MRPS10: variants seen among roughly 807,000 people sequenced by gnomAD.
MRPS10 encodes small ribosomal subunit protein uS10m.
In MRPS10, 23 loss-of-function variants were observed where a neutral mutation model predicts 27.5. That is an observed-to-expected ratio of 0.84 (90% CI 0.60 to 1.18). The LOEUF (loss-of-function observed/expected upper bound fraction) is 1.18. MRPS10 is among the 50% of genes most tolerant of loss of function. The pLI is 0.00. For missense variants in MRPS10, 237 were observed against 240.1 expected (o/e 0.99, Z 0.09); for synonymous variants, 88 against 84.2 (o/e 1.04, Z -0.25).
At position 42,216,359 on chromosome 6, in the gene MRPS10, T is replaced by TGAGAGAGAGA. The variant is rs373981686; in HGVS notation, c.48+1433_48+1442dup. 7.0e-3 allele frequency among the ~76,000 whole-genome samples: 407 copies of TGAGAGAGAGA among 58,156 alleles called. 5 individuals carry two copies. The highest frequency in any genetic ancestry group is 8.3e-3 in the Middle Eastern group (1 of 120). The allele number at this position is 58,156 out of a possible 152,430, so 38.2% of individuals were successfully genotyped here. ...AATTGCATTTTTTCTTTGTATTTCT[T>TGAGAGAGAGA]GAGAGAGAGAGAGAGAGAGAGAGAG... On this transcript the variant is annotated intron_variant, in intron 1 of 6. Coordinates refer to ENST00000053468, the MANE Select transcript of MRPS10 (RefSeq NM_018141.4).
chr6:42,208,999 G>GTTTTTTTTTTTTTTT (rs375700314), intron 5 of MRPS10, 52 bp from the exon 6 acceptor site: 1 of 1,026,116 alleles, frequency 9.7e-7, no homozygotes, highest in Admixed American at 2.6e-5. Flanking sequence ...TTAAAGCACG[G>GTTTTTTTTTTTTTTT]TTTTTTGTTT....
Position 42,208,309 on chromosome 6 carries a change from T to C in MRPS10, c.586A>G (p.Lys196Glu). Residue 196 changes from lysine to glutamate, a missense_variant, in exon 7 of 7, where the codon AAA becomes GAA. Transcript: ENST00000053468. The part of the protein sequence containing the change: ...EPIWETLSEE[K>E]EESKS ...AGGCTTTATGACTTGCTTTCTTCTT[T>C]TTCTTCTGATAGTGTTTCCCAGATT... The C allele has an allele frequency of 1.2e-6, 2 of 1,612,946 alleles. No homozygotes were observed. Among genetic ancestry groups the C allele is most frequent in the South Asian group, 2.2e-5 (2 of 90,950 alleles).
chr6:42,217,638 G>A (rs114765440), intron 1 of MRPS10, among the ~76,000 whole-genome samples, 164 bp downstream of exon 1: 24 of 152,288 alleles, frequency 1.6e-4, no homozygotes, highest in Admixed American at 8.5e-4. Context: ...TTCCATGAGA[G>A]AATTCTGATA....
At chr6:42,215,164 G>C (rs1768887084) in intron 1 of MRPS10, among the ~76,000 whole-genome samples, 1 of 151,982 alleles carries the variant, frequency 6.6e-6, no homozygotes, top group Non-Finnish European at 1.5e-5. Context: ...CAAGGTGGGT[G>C]GATCACTTGT....
At chr6:42,209,888 T>C (rs565222527) in intron 5 of MRPS10, among the ~76,000 whole-genome samples, 1 of 152,180 alleles carries the variant, frequency 6.6e-6, no homozygotes. Flanking sequence ...ACTTACTATG[T>C]GATCAAAGTA....
intron 3 of MRPS10, 83 bp downstream of exon 3, chr6:42,214,033 GTGTT>G: frequency 8.8e-7 from 1 of 1,138,506 alleles, no homozygotes; most frequent in Admixed American, 2.3e-5. Flanking sequence ...TATTCATAGA[GTGTT>G]TGGGGAAAAA....
chr6:42,214,082 A>G (rs1205561193), intron 3 of MRPS10, 38 bp downstream of exon 3: 1 of 1,507,674 alleles, frequency 6.6e-7, no homozygotes, highest in African/African-American at 1.4e-5. Context: ...ACCTATTGCC[A>G]AGGTAGCTCC....
intron 5 of MRPS10, among the ~76,000 whole-genome samples, chr6:42,209,198 A>G (rs1252137535): frequency 8.8e-6 from 1 of 113,912 alleles, no homozygotes; most frequent in African/African-American, 2.6e-5. Flanking sequence ...GGGTTTCATC[A>G]TGTTGGCCAG....
At position 42,211,914 on chromosome 6, in the gene MRPS10, T is replaced by G. The variant is rs145352015; in HGVS notation, c.190A>C (p.Thr64Pro). 81 of 1,605,598 alleles carry G rather than the reference T, an allele frequency of 5.0e-5. No homozygotes were observed. In the African/African-American group the frequency reaches 9.5e-4, roughly 19 times the overall value. ...VPKDLTKPVVTISDEPDILYK... is the reference protein window; with the variant it reads ...VPKDLTKPVVPISDEPDILYK... ...AATATGTCTGGTTCATCAGAGATTGTTACCTAAAATCCAAAAGAAAAGTTT... is the reference window on the plus strand; with the variant it reads ...AATATGTCTGGTTCATCAGAGATTGGTACCTAAAATCCAAAAGAAAAGTTT... Residue 64 changes from threonine to proline, a missense_variant, in exon 4 of 7, where the codon ACA (threonine) becomes CCA (proline). By Grantham distance (38) the Thr-to-Pro change is conservative (BLOSUM62 -1). Coordinates refer to ENST00000053468, the MANE Select transcript of MRPS10 (RefSeq NM_018141.4).
Position 42,207,412 on chromosome 6 carries a change from GGGTT to G in MRPS10, c.*873_*876del, listed in dbSNP as rs1299856541. On this transcript the variant is annotated 3_prime_UTR_variant, in exon 7 of 7. Coordinates refer to ENST00000053468, the MANE Select transcript of MRPS10 (RefSeq NM_018141.4). ...AATTTTTGTATTTTTATTAGAGACG[GGGTT>G]TCACCGTGTTAGCCAGGATGGTCTG... 1 of 152,080 alleles carries G rather than the reference GGGTT, an allele frequency of 6.6e-6. No individual in the cohort carries two copies. Among genetic ancestry groups the G allele is most frequent in the Non-Finnish European group, 1.5e-5 (1 of 68,054 alleles). 9.4% of individuals were successfully genotyped at this position (152,080 alleles called of 1,614,324 possible).
At chr6:42,209,408 C>T (rs943813946) in intron 5 of MRPS10, among the ~76,000 whole-genome samples, 34 of 152,066 alleles carry the variant, frequency 2.2e-4, no homozygotes, top group African/African-American at 6.8e-4. Flanking sequence ...CTATGAGAGA[C>T]GTTTCCCTCA....
intron 5 of MRPS10, among the ~76,000 whole-genome samples, chr6:42,209,938 A>C (rs1028260948): frequency 6.6e-6 from 1 of 152,124 alleles, no homozygotes; most frequent in Non-Finnish European, 1.5e-5. Context: ...TAATCCTCAC[A>C]CTAACCTTAT....
In MRPS10 at chr6:42,214,204, G is replaced by A. The variant is rs1768856875; in HGVS notation, c.114-12C>T. Reference sequence around the variant, plus strand: ...TCATATTGGTACTGCTATGTGTGGGGAAAAAAAGAGAAACCTAAGTAAAAT... The same window carrying A: ...TCATATTGGTACTGCTATGTGTGGGAAAAAAAAGAGAAACCTAAGTAAAAT... On this transcript the variant is annotated splice_polypyrimidine_tract_variant and intron_variant, in intron 2 of 6. Transcript: ENST00000053468. 2 of 1,608,928 alleles carry A rather than the reference G, an allele frequency of 1.2e-6. No homozygotes were observed. Among genetic ancestry groups the A allele is most frequent in the African/African-American group, 1.3e-5 (1 of 74,644 alleles).
In MRPS10 at chr6:42,214,291, A is replaced by T. The variant is rs891607448; in HGVS notation, c.102T>A (p.Gly34=). 2 of 1,612,934 alleles carry T rather than the reference A, an allele frequency of 1.2e-6. No homozygotes were observed. The highest frequency in any genetic ancestry group is 1.7e-5 in the Admixed American group (1 of 59,916). ...AATTGTATACTTACAGAAGCAAGCC[A>T]CCATTTTTGGCTGTATTGCCCTTAG... The part of the protein sequence containing the change: ...NTSKGNTAKN[G]GLLLSTNMKW... The change falls in exon 2 of 7, where the codon GGT becomes GGA. Residue 34 remains glycine, a synonymous_variant. Coordinates refer to ENST00000053468, the MANE Select transcript of MRPS10 (RefSeq NM_018141.4).
At chr6:42,212,040 G>A in intron 3 of MRPS10, 123 bp from the exon 4 acceptor site, 1 of 807,804 alleles carries the variant, frequency 1.2e-6, no homozygotes, top group South Asian at 1.8e-5. Flanking sequence ...AAAACACTGA[G>A]TGACGGCAGT....
intron 1 of MRPS10, among the ~76,000 whole-genome samples, chr6:42,215,505 T>C (rs752439319): frequency 6.6e-6 from 1 of 151,976 alleles, no homozygotes; most frequent in Non-Finnish European, 1.5e-5. Context: ...TGCATGATCA[T>C]GGCCTGGACC....
chr6:42,209,005 TG>T (rs57369579), intron 5 of MRPS10, 58 bp from the exon 6 acceptor site: 665,563 of 1,079,586 alleles, frequency 0.62, 202,838 homozygotes, highest in East Asian at 0.78. Flanking sequence ...CACGGTTTTT[TG>T]TTTTTTTTTT....
At chr6:42,210,444 T>C (rs565404883) in intron 5 of MRPS10, 44 bp downstream of exon 5, 2 of 966,194 alleles carry the variant, frequency 2.1e-6, no homozygotes, top group Admixed American at 3.4e-5. Flanking sequence ...CTAGTGTGAA[T>C]TTTTGGTATT....
At chr6:42,214,039 G>T in intron 3 of MRPS10, 81 bp downstream of exon 3, 3 of 1,225,102 alleles carry the variant, frequency 2.4e-6, no homozygotes, top group Non-Finnish European at 3.5e-6. Context: ...TAGAGTGTTT[G>T]GGGAAAAAAA....
Sources: allele counts gnomAD v4.1 joint callset (sites outside exome capture counted in the v4.1 genomes callset), GRCh38; gene constraint gnomAD v4.1.1; transcripts MANE v1.5; gene names NCBI Gene and HGNC (gene_info 2026-07-23, HGNC 2026-07-21).